PCDH9: variants seen among roughly 807,000 people sequenced by gnomAD.
The protein encoded by PCDH9 is protocadherin 9, also known as protocadherin-9.
PCDH9 carries 24 observed loss-of-function variants against 70.6 expected under a neutral mutation model. That is an observed-to-expected ratio of 0.34 (90% CI 0.25 to 0.48). The LOEUF is 0.48. Among genes scored for constraint, PCDH9 ranks in the 20% least tolerant of loss-of-function variants. The probability of loss-of-function intolerance (pLI) is 0.99; values close to 1 mark genes in which losing one functional copy is unlikely to be tolerated. For synonymous variants in PCDH9, 562 were observed against 558.5 expected (o/e 1.01, Z -0.09); for missense variants, 1,281 against 1,503.6 (o/e 0.85, Z 2.45).
intron 3 of PCDH9, among the ~76,000 whole-genome samples, chr13:66,871,889 A>G (rs1265694732): frequency 6.6e-6 from 1 of 152,088 alleles, no homozygotes; most frequent in African/African-American, 2.4e-5. Flanking sequence ...CTTTCATTGC[A>G]TAACAAATTT....
At chr13:66,881,426 G>C (rs1318747922) in intron 3 of PCDH9, among the ~76,000 whole-genome samples, 3 of 152,040 alleles carry the variant, frequency 2.0e-5, no homozygotes, top group Non-Finnish European at 2.9e-5. Context: ...AAAACCATCA[G>C]ATCTTGTAAG....
chr13:66,522,894 T>A (rs1265480836), intron 4 of PCDH9, among the ~76,000 whole-genome samples: 4 of 152,112 alleles, frequency 2.6e-5, no homozygotes, highest in South Asian at 4.1e-4. Context: ...GTCACCCAGC[T>A]TATGGTAATA....
intron 3 of PCDH9, among the ~76,000 whole-genome samples, chr13:66,686,786 C>A (rs982574026): frequency 1.3e-5 from 2 of 152,112 alleles, no homozygotes; most frequent in Non-Finnish European, 2.9e-5. Context: ...CTCAAACCAC[C>A]ATTCTTTCTT....
At chr13:67,147,265 TGA>T (rs957264392) in intron 2 of PCDH9, among the ~76,000 whole-genome samples, 23 of 152,200 alleles carry the variant, frequency 1.5e-4, no homozygotes, top group African/African-American at 5.3e-4. Context: ...ATTTTTCAAA[TGA>T]GAGATAATTT....
chr13:67,088,492 G>T (rs1487499933), intron 2 of PCDH9, among the ~76,000 whole-genome samples: 1 of 151,894 alleles, frequency 6.6e-6, no homozygotes, highest in African/African-American at 2.4e-5. Flanking sequence ...AAATAACTTA[G>T]ATTTTTACCA....
chr13:66,444,308 G>A (rs1958030614), intron 4 of PCDH9, among the ~76,000 whole-genome samples: 1 of 152,096 alleles, frequency 6.6e-6, no homozygotes, highest in Non-Finnish European at 1.5e-5. Context: ...TAATCATGTG[G>A]TAGACAGGGC....
intron 3 of PCDH9, among the ~76,000 whole-genome samples, chr13:66,767,011 T>C (rs1218104683): frequency 1.3e-5 from 2 of 152,198 alleles, no homozygotes; most frequent in African/African-American, 2.4e-5. Flanking sequence ...AGTTAAGCTA[T>C]ATAATTAATA....
At chr13:67,179,580 C>A (rs1470490914) in intron 2 of PCDH9, among the ~76,000 whole-genome samples, 1 of 152,042 alleles carries the variant, frequency 6.6e-6, no homozygotes, top group African/African-American at 2.4e-5. Flanking sequence ...CTAGTGTTAA[C>A]CACTTTTTAT....
chr13:66,641,000 C>T (rs1396623281), intron 3 of PCDH9, among the ~76,000 whole-genome samples: 5 of 152,018 alleles, frequency 3.3e-5, no homozygotes, highest in South Asian at 2.1e-4. Context: ...CTCAGCCTCC[C>T]GAGTAGTGGG....
At chr13:67,056,660 C>T (rs1309150300) in intron 2 of PCDH9, among the ~76,000 whole-genome samples, 1 of 152,124 alleles carries the variant, frequency 6.6e-6, no homozygotes, top group Non-Finnish European at 1.5e-5. Context: ...CCTCTCAATT[C>T]ATGTATTTCC....
chr13:66,780,637 A>G (rs1304913376), intron 3 of PCDH9, among the ~76,000 whole-genome samples: 1 of 152,146 alleles, frequency 6.6e-6, no homozygotes, highest in Non-Finnish European at 1.5e-5. Context: ...CTCCCTAGTC[A>G]ATATTCTTAC....
chr13:66,473,470 ATAAATAC>A (rs1958659372), intron 4 of PCDH9, among the ~76,000 whole-genome samples: 1 of 152,128 alleles, frequency 6.6e-6, no homozygotes, highest in Non-Finnish European at 1.5e-5. Flanking sequence ...AATTATTACA[ATAAATAC>A]TACTAGTAGA....
chr13:66,993,895 C>A (rs1281921140), intron 2 of PCDH9, among the ~76,000 whole-genome samples: 2 of 151,954 alleles, frequency 1.3e-5, no homozygotes, highest in African/African-American at 4.8e-5. Context: ...ACGGCATTTG[C>A]ATCAGCCGAG....
At chr13:66,993,645 A>G (rs1337330768) in intron 2 of PCDH9, among the ~76,000 whole-genome samples, 5 of 152,250 alleles carry the variant, frequency 3.3e-5, no homozygotes, top group Admixed American at 3.3e-4. Context: ...ACAGGCATAC[A>G]AAAGCTAACA....
rs959831091 is a variant in PCDH9 at position 66,739,597 on chromosome 13, A to G, written c.3139-108186T>C. On this transcript the variant is annotated intron_variant, in intron 3 of 4. Transcript: ENST00000377865. ...TCAGTGTGCTGTATTCAGGAATCCC[A>G]TCTCACGTGCAGAGACACACATAGG... 4.6e-4 allele frequency among the ~76,000 whole-genome samples: 68 copies of G among 148,818 alleles called. 1 individual carries two copies. The highest frequency in any genetic ancestry group is 3.9e-4 in the Non-Finnish European group (26 of 66,626).
At chr13:67,153,431 A>T (rs1158278558) in intron 2 of PCDH9, among the ~76,000 whole-genome samples, 1 of 152,156 alleles carries the variant, frequency 6.6e-6, no homozygotes, top group Non-Finnish European at 1.5e-5. Flanking sequence ...TGGCTTCCCA[A>T]GCGTGGGGAT....
intron 3 of PCDH9, among the ~76,000 whole-genome samples, chr13:66,803,763 C>T (rs1594081949): frequency 6.6e-6 from 1 of 152,168 alleles, no homozygotes; most frequent in African/African-American, 2.4e-5. Flanking sequence ...AAATTTGACC[C>T]GTGAGAAGGA....
intron 2 of PCDH9, among the ~76,000 whole-genome samples, chr13:66,926,346 C>G (rs1230591847): frequency 6.6e-6 from 1 of 151,978 alleles, no homozygotes; most frequent in Non-Finnish European, 1.5e-5. Flanking sequence ...ACCTTATTCA[C>G]TACCCAACCC....
At position 67,225,826 on chromosome 13, in the gene PCDH9, T is replaced by C. The variant is rs566499992; in HGVS notation, c.2615A>G (p.Lys872Arg). The change falls in exon 2 of 5, where the codon AAG becomes AGG. Residue 872 changes from lysine to arginine, a missense_variant. Lys to Arg is a conservative substitution (Grantham distance 26). Transcript: ENST00000377865. The part of the protein sequence containing the change: ...ENKQNKKKKR[K>R]KRKSPKSSLL... The stretch of plus-strand genomic sequence containing the variant: ...AGAGCTTTTGGGAGACTTCCTTTTC[T>C]TTCTTTTCTTTTTCTTGTTTTGCTT... The C allele has an allele frequency of 1.2e-6, 2 of 1,614,194 alleles. No individual in the cohort carries two copies. The highest frequency in any genetic ancestry group is 2.2e-5 in the South Asian group (2 of 91,066).
Sources: gnomAD v4.1 joint callset for allele counts (sites outside exome capture counted in the v4.1 genomes callset) on GRCh38, gnomAD v4.1.1 for gene constraint, MANE v1.5 for transcripts, NCBI Gene and HGNC (gene_info 2026-07-23, HGNC 2026-07-21) for gene names.